The following PAX8 variants were observed in gnomAD, a reference collection of about 807,000 sequenced individuals.
The protein encoded by PAX8 is paired box protein Pax-8.
Under a neutral mutation model 52.4 loss-of-function variants are expected in PAX8, and 15 were observed. The ratio of observed to expected loss-of-function variants is 0.29; its 90% confidence interval spans 0.19 to 0.44. The LOEUF (loss-of-function observed/expected upper bound fraction) is 0.44. Ranked by LOEUF, PAX8 falls within the 20% of genes least tolerant of loss-of-function variation. The pLI, the probability that PAX8 is intolerant of heterozygous loss-of-function variation, is 1.00. For synonymous variants in PAX8, 284 were observed against 249.7 expected, an observed-to-expected ratio of 1.14 and a Z score of -1.29; for missense variants, 554 against 602.5, an observed-to-expected ratio of 0.92 and a Z score of 0.84.
In PAX8 at chr2:113,244,303, T is replaced by C. The variant is rs1218515762; in HGVS notation, c.389+124A>G. 8.8e-6 allele frequency: 7 copies of C among 791,962 alleles called. No individual in the cohort carries two copies. The African/African-American group carries it at 1.0e-4, about 11-fold the overall frequency. The allele number at this position is 791,962 out of a possible 1,614,324, so 49.1% of individuals were successfully genotyped here. A position where few individuals can be genotyped will look rare whatever the true frequency, so the allele number is the denominator to read the frequency against. ...GGAGCCAGGTGTGCTCCCTGCCTGA[T>C]TGTTCAGCATCAGGCCCCTTCCCGG... On this transcript the variant is annotated intron_variant, in intron 4 of 11. Coordinates refer to ENST00000429538, the MANE Select transcript of PAX8 (RefSeq NM_003466.4).
intron 9 of PAX8, among the ~76,000 whole-genome samples, chr2:113,231,070 A>G (rs923131496): frequency 6.6e-6 from 1 of 152,250 alleles, no homozygotes; most frequent in African/African-American, 2.4e-5. Flanking sequence ...CAGAGGGTAG[A>G]GGTGATTTCA....
chr2:113,236,362 CGG>C, intron 8 of PAX8: 1 of 308,004 alleles, frequency 3.2e-6, no homozygotes, highest in East Asian at 5.4e-5. Flanking sequence ...GGCCTAGGAC[CGG>C]AGGCGCGACC....
At chr2:113,266,584 T>A (rs1359293948) in intron 2 of PAX8, 2 of 152,204 alleles carry the variant, frequency 1.3e-5, no homozygotes, top group Non-Finnish European at 2.9e-5. Flanking sequence ...AACGTGCCTA[T>A]CACACAAGTC....
chr2:113,255,305 G>GGGAGGGGACGAGGGAGGGGAC (rs1692171148), intron 2 of PAX8: 1 of 82,180 alleles, frequency 1.2e-5, no homozygotes, highest in Non-Finnish European at 2.3e-5. Flanking sequence ...AGGGAGGGGA[G>GGGAGGGGACGAGGGAGGGGAC]GAGGGAGGGG....
chr2:113,219,513 A>G (rs1689162842), intron 11 of PAX8, among the ~76,000 whole-genome samples: 1 of 152,020 alleles, frequency 6.6e-6, no homozygotes, highest in African/African-American at 2.4e-5. Context: ...GCTGAAGCTC[A>G]CTCTCTGGAC....
At position 113,235,458 on chromosome 2, in the gene PAX8, G is replaced by C. The variant is rs746274989; in HGVS notation, c.1023C>G (p.Pro341=). 16 of 1,611,646 alleles carry C rather than the reference G, an allele frequency of 9.9e-6. No homozygotes were observed. The highest frequency in any genetic ancestry group is 3.3e-5 in the South Asian group (3 of 90,592). Residue 341 remains proline, a synonymous_variant, in exon 9 of 12, where the codon CCC becomes CCG. Coordinates refer to ENST00000429538, the MANE Select transcript of PAX8 (RefSeq NM_003466.4). ...DLQQVGSGVP[P]FNAFPHAASV... ...AGGCAGCATGGGGAAAGGCATTGAA[G>C]GGCGGGACCCCGGAGCCGACTTGCT...
rs1322314046 is a variant in PAX8, at chr2:113,242,713, G to A, written c.455C>T (p.Ser152Phe). 1 of 1,613,670 alleles carries A rather than the reference G, an allele frequency of 6.2e-7. No individual in the cohort carries two copies. The highest frequency in any genetic ancestry group is 1.7e-5 in the Admixed American group (1 of 60,016). ...ACTCAGCGTGTGTCCGGGACTCAGG[G>A]ACTTGGTGGCCACGCAGCTGTCCAT... is the stretch of plus-strand genomic sequence containing the variant. ...LPMDSCVATK[S>F]LSPGHTLIPS... The change falls in exon 5 of 12, where the codon TCC becomes TTC. Residue 152 changes from serine (S) to phenylalanine (F), a missense_variant. Physicochemically the swap from Ser to Phe is radical, Grantham distance 155. Around this residue, in one of 2 missense-constraint regions of PAX8, gnomAD observed 445 missense variants for 409.9 expected, o/e 1.09. Transcript: ENST00000429538.
At chr2:113,264,055 T>G (rs573199196) in intron 2 of PAX8, among the ~76,000 whole-genome samples, 80 of 152,310 alleles carry the variant, frequency 5.3e-4, no homozygotes, top group African/African-American at 1.8e-3. Context: ...GGAGCTGTAT[T>G]CCCAGTCTGC....
intron 6 of PAX8, 89 bp from the exon 7 acceptor site, chr2:113,241,815 C>T: frequency 1.3e-6 from 2 of 1,537,368 alleles, no homozygotes; most frequent in Non-Finnish European, 1.8e-6. Context: ...CAAGCTGACT[C>T]ACTGTGGAGG....
At chr2:113,242,628 G>T in intron 5 of PAX8, 62 bp downstream of exon 5, 2 of 1,069,054 alleles carry the variant, frequency 1.9e-6, no homozygotes, top group South Asian at 1.3e-5. Context: ...GTGTATATGT[G>T]GGTATGCTGA....
At chr2:113,256,477 TACA>T (rs1350243269) in intron 2 of PAX8, among the ~76,000 whole-genome samples, 4 of 152,192 alleles carry the variant, frequency 2.6e-5, no homozygotes, top group Non-Finnish European at 4.4e-5. Context: ...AAGAGCCACA[TACA>T]ACAACAAGAA....
intron 2 of PAX8, among the ~76,000 whole-genome samples, chr2:113,265,212 CA>C (rs1205894089): frequency 6.6e-6 from 1 of 152,154 alleles, no homozygotes; most frequent in East Asian, 1.9e-4. Context: ...CTGAAGACAA[CA>C]GCGTCAGTAG....
chr2:113,226,032 G>A (rs1006750731), intron 10 of PAX8: 117 of 985,686 alleles, frequency 1.2e-4, no homozygotes, highest in Non-Finnish European at 1.3e-4. Context: ...ACATCGCCAC[G>A]GTAACCAGGC....
chr2:113,258,582 G>A (rs562304308), intron 2 of PAX8, among the ~76,000 whole-genome samples: 1 of 152,270 alleles, frequency 6.6e-6, no homozygotes, highest in South Asian at 2.1e-4. Flanking sequence ...GACTGCTCAG[G>A]TTCTTTATCC....
At chr2:113,260,142 T>G (rs965891744) in intron 2 of PAX8, among the ~76,000 whole-genome samples, 3 of 152,034 alleles carry the variant, frequency 2.0e-5, no homozygotes, top group African/African-American at 7.3e-5. Flanking sequence ...GTATGTGGGG[T>G]GATGGTTTCT....
At chr2:113,273,605 C>G (rs1320280130) in intron 2 of PAX8, 1 of 152,160 alleles carries the variant, frequency 6.6e-6, no homozygotes, top group Admixed American at 6.5e-5. Flanking sequence ...AACTTTATCT[C>G]TGGACAATAT....
At chr2:113,241,772 T>C (rs751571142) in intron 6 of PAX8, 46 bp from the exon 7 acceptor site, 2 of 1,602,816 alleles carry the variant, frequency 1.2e-6, no homozygotes, top group Admixed American at 3.3e-5. Flanking sequence ...GACCTATCTA[T>C]TCATGCTCTA....
intron 5 of PAX8, among the ~76,000 whole-genome samples, 179 bp downstream of exon 5, chr2:113,242,511 G>C (rs1690944545): frequency 6.6e-6 from 1 of 152,158 alleles, no homozygotes; most frequent in Non-Finnish European, 1.5e-5. Flanking sequence ...AATCTGCCCT[G>C]GGAACAGGCC....
intron 10 of PAX8, chr2:113,226,229 C>A: frequency 2.0e-6 from 2 of 985,416 alleles, no homozygotes; most frequent in Non-Finnish European, 2.4e-6. Flanking sequence ...TAGGTAAATA[C>A]GCCAAGTCTC....
Sources: allele counts gnomAD v4.1 joint callset (sites outside exome capture counted in the v4.1 genomes callset), GRCh38; gene constraint gnomAD v4.1.1; regional missense constraint gnomAD v4.1.1; transcripts MANE v1.5; gene names NCBI Gene and HGNC (gene_info 2026-07-23, HGNC 2026-07-21).